The following BBOX1 variants were observed in gnomAD, a reference collection of about 807,000 sequenced individuals.
BBOX1 encodes gamma-butyrobetaine hydroxylase 1.
Under a neutral mutation model 41.6 loss-of-function variants are expected in BBOX1, and 35 were observed. The observed-to-expected ratio is 0.84, with a 90% CI of 0.64 to 1.11. BBOX1 has a LOEUF of 1.11. Among genes scored for constraint, BBOX1 ranks in the 50% most tolerant of loss-of-function variants. The pLI is 0.00. For missense variants in BBOX1, 458 were observed against 460.6 expected (o/e 0.99, Z 0.05); for synonymous variants, 163 against 154.7 (o/e 1.05, Z -0.40).
chr11:27,126,508 G>C (rs1469233133), intron 8 of BBOX1, among the ~76,000 whole-genome samples: 1 of 151,914 alleles, frequency 6.6e-6, no homozygotes, highest in East Asian at 1.9e-4. Flanking sequence ...TTAAAGCTTC[G>C]GTTTCTTCAT....
At chr11:27,049,867 C>A (rs1322674236) in intron 2 of BBOX1, among the ~76,000 whole-genome samples, 1 of 152,122 alleles carries the variant, frequency 6.6e-6, no homozygotes. Flanking sequence ...AATACCATCT[C>A]ATTTGTTTAT....
chr11:27,048,061 TCAAA>T (rs1851543534), intron 2 of BBOX1, among the ~76,000 whole-genome samples: 1 of 152,166 alleles, frequency 6.6e-6, no homozygotes, highest in African/African-American at 2.4e-5. Flanking sequence ...ATTACCACAA[TCAAA>T]CTAATTAATA....
chr11:27,112,885 T>A (rs557554606), intron 5 of BBOX1, among the ~76,000 whole-genome samples: 108 of 151,900 alleles, frequency 7.1e-4, no homozygotes, highest in Non-Finnish European at 1.2e-3. Context: ...TAGAATGGAA[T>A]AAAATATTTG....
At chr11:27,077,219 T>C (rs1251342284) in intron 4 of BBOX1, among the ~76,000 whole-genome samples, 1 of 152,130 alleles carries the variant, frequency 6.6e-6, no homozygotes, top group Non-Finnish European at 1.5e-5. Flanking sequence ...GGACCAAAAA[T>C]GGCTTCCCTC....
chr11:27,087,806 C>G (rs562350979), intron 4 of BBOX1, among the ~76,000 whole-genome samples: 14 of 152,090 alleles, frequency 9.2e-5, no homozygotes, highest in African/African-American at 3.1e-4. Context: ...CTGATTTCAG[C>G]AAAACTCCTA....
Position 27,108,197 on chromosome 11 carries a change from G to A in BBOX1, c.534-7255G>A, listed in dbSNP as rs1420743352. 2.6e-5 allele frequency among the ~76,000 whole-genome samples: 4 copies of A among 152,016 alleles called. No homozygotes were observed. The East Asian group carries it at 7.7e-4, about 29-fold the overall frequency. The stretch of plus-strand genomic sequence containing the variant: ...AGTCACAGACCCCCATCCCTGTAGA[G>A]GCCAGTGAATGTCAAAGAAAAGATC... On this transcript the variant is annotated intron_variant, in intron 5 of 8. Coordinates refer to ENST00000263182, the MANE Select transcript of BBOX1 (RefSeq NM_003986.3).
intron 4 of BBOX1, among the ~76,000 whole-genome samples, chr11:27,069,369 C>A (rs991569857): frequency 7.4e-6 from 1 of 134,926 alleles, no homozygotes; most frequent in Admixed American, 7.1e-5. Context: ...GTTTGATTTT[C>A]AGTTTGGTTA....
At chr11:27,118,905 C>T (rs1264196361) in intron 6 of BBOX1, among the ~76,000 whole-genome samples, 1 of 149,772 alleles carries the variant, frequency 6.7e-6, no homozygotes, top group African/African-American at 2.5e-5. Context: ...TGTTTTGCTA[C>T]TCTGACCAGT....
intron 2 of BBOX1, among the ~76,000 whole-genome samples, chr11:27,048,773 T>A (rs1446760990): frequency 1.3e-5 from 2 of 150,854 alleles, no homozygotes; most frequent in Admixed American, 1.3e-4. Flanking sequence ...TTTTATACTT[T>A]AAGTTTTAGG....
intron 4 of BBOX1, among the ~76,000 whole-genome samples, chr11:27,059,095 G>T (rs970224853): frequency 6.6e-6 from 1 of 152,168 alleles, no homozygotes; most frequent in South Asian, 2.1e-4. Context: ...AAGGAAGAAT[G>T]CTTTCCTGGG....
intron 4 of BBOX1, 51 bp from the exon 5 acceptor site, chr11:27,093,117 A>G: frequency 6.5e-6 from 10 of 1,539,344 alleles, no homozygotes; most frequent in Non-Finnish European, 9.0e-6. Flanking sequence ...TTATCGTCTT[A>G]TGTAAAAAGA....
At chr11:27,124,858 AT>A (rs1859594076) in intron 7 of BBOX1, among the ~76,000 whole-genome samples, 1 of 152,152 alleles carries the variant, frequency 6.6e-6, no homozygotes, top group Non-Finnish European at 1.5e-5. Flanking sequence ...ATTATCTTAC[AT>A]TGGCATGGTC....
Position 27,122,677 on chromosome 11 carries a change from TACA to T in BBOX1, c.836+2837_836+2839del, listed in dbSNP as rs1401494471. On this transcript the variant is annotated intron_variant, in intron 7 of 8. Coordinates refer to ENST00000263182, the MANE Select transcript of BBOX1 (RefSeq NM_003986.3). ...ACTGTAGTAGTATTCCCACAACAAA[TACA>T]ACAAGTTCCATAAAACATTGTATCT... is the stretch of plus-strand genomic sequence containing the variant. Among the ~76,000 whole-genome samples the T allele has an allele frequency of 7.9e-5, 12 of 152,198 alleles. No individual in the cohort carries two copies. In the East Asian group the frequency reaches 2.1e-3, roughly 27 times the overall value.
intron 5 of BBOX1, among the ~76,000 whole-genome samples, chr11:27,109,365 T>C (rs978954846): frequency 6.6e-6 from 1 of 152,026 alleles, no homozygotes; most frequent in Non-Finnish European, 1.5e-5. Flanking sequence ...AATATATAAA[T>C]TGAGGCTTAG....
chr11:27,077,759 T>C (rs892186213), intron 4 of BBOX1, among the ~76,000 whole-genome samples: 3 of 152,198 alleles, frequency 2.0e-5, no homozygotes, highest in African/African-American at 7.2e-5. Flanking sequence ...ATATTTGCTA[T>C]TTGTACAGAG....
At chr11:27,078,580 A>T (rs559936515) in intron 4 of BBOX1, among the ~76,000 whole-genome samples, 1 of 152,308 alleles carries the variant, frequency 6.6e-6, no homozygotes, top group African/African-American at 2.4e-5. Flanking sequence ...TATCACAAGA[A>T]CAGAAAATCA....
chr11:27,045,961 T>C (rs1287864187), intron 2 of BBOX1, among the ~76,000 whole-genome samples: 1 of 152,206 alleles, frequency 6.6e-6, no homozygotes, highest in African/African-American at 2.4e-5. Flanking sequence ...GCAATTTCTT[T>C]TATGAGAACT....
chr11:27,057,063 TTAAAAAAAA>T, intron 3 of BBOX1, 129 bp from the exon 4 acceptor site: 2 of 142,770 alleles, frequency 1.4e-5, no homozygotes. Context: ...AGACTCCGAC[TTAAAAAAAA>T]AAAAAAAAAA....
intron 5 of BBOX1, among the ~76,000 whole-genome samples, chr11:27,093,825 CTCT>C (rs1158683345): frequency 1.3e-5 from 2 of 152,014 alleles, no homozygotes; most frequent in East Asian, 1.9e-4. Flanking sequence ...CTCCTGCTGT[CTCT>C]TCTTCTTCTG....
Sources: gnomAD v4.1 joint callset for allele counts (sites outside exome capture counted in the v4.1 genomes callset) on GRCh38, gnomAD v4.1.1 for gene constraint, MANE v1.5 for transcripts, NCBI Gene and HGNC (gene_info 2026-07-23, HGNC 2026-07-21) for gene names.